GTF3C1: variants seen among roughly 807,000 people sequenced by gnomAD.
GTF3C1 encodes the protein general transcription factor 3C polypeptide 1.
In GTF3C1, 57 loss-of-function variants were observed where a neutral mutation model predicts 226.7. The observed-to-expected ratio is 0.25, with a 90% confidence interval of 0.20 to 0.31. The LOEUF (loss-of-function observed/expected upper bound fraction) is 0.31, where lower values mean the gene tolerates loss of function less well. Ranked by LOEUF, GTF3C1 falls within the 10% of genes least tolerant of loss-of-function variation. The probability of loss-of-function intolerance (pLI) is 1.00; values close to 1 mark genes in which losing one functional copy is unlikely to be tolerated. For synonymous variants in GTF3C1, 1,090 were observed against 1,084.8 expected, an observed-to-expected ratio of 1.00 and a Z score of -0.09; for missense variants, 2,217 against 2,776.1, an observed-to-expected ratio of 0.80 and a Z score of 4.53.
chr16:27,507,247 G>T lies in GTF3C1; in HGVS notation c.1243-91C>A. On this transcript the variant is annotated intron_variant, in intron 8 of 36. Coordinates refer to ENST00000356183, the MANE Select transcript of GTF3C1 (RefSeq NM_001520.4). This position sits in a 1 kb window ranked among gnomAD's most constrained non-coding sequence, Gnocchi z 4.9. ...GTCTGTGGCATCTATTTCCTTATTG[G>T]CTTTCTTCTGTTTCTCCTGTCTTAC... is the stretch of plus-strand genomic sequence containing the variant. 1.0e-6 allele frequency: 1 copy of T among 983,998 alleles called. No homozygotes were observed. Among genetic ancestry groups the T allele is most frequent in the Non-Finnish European group, 1.5e-6 (1 of 660,932 alleles). 61.0% of individuals were successfully genotyped at this position (983,998 alleles called of 1,614,324 possible).
Position 27,537,874 on chromosome 16 carries a change from A to C in GTF3C1, c.662T>G (p.Leu221Arg). The C allele has an allele frequency of 4.3e-6, 7 of 1,613,696 alleles. No individual in the cohort carries two copies. Among genetic ancestry groups the C allele is most frequent in the Non-Finnish European group, 5.9e-6 (7 of 1,179,586 alleles). The change falls in exon 4 of 37, where the codon CTG (leucine) becomes CGG (arginine). Residue 221 changes from leucine (L) to arginine (R), a missense_variant. By Grantham distance (102) the Leu-to-Arg change is moderately radical. Transcript: ENST00000356183. The part of the protein sequence containing the change: ...YHRKILNKNG[L>R]ITMQSHVIRL... The stretch of plus-strand genomic sequence containing the variant: ...GATCACATGGGACTGCATTGTAATC[A>C]GCCCGTTTTTGTTCAAAATTTTTCT...
chr16:27,478,870 CAAG>C (rs1421541821), intron 27 of GTF3C1, among the ~76,000 whole-genome samples: 1 of 141,816 alleles, frequency 7.1e-6, no homozygotes, highest in East Asian at 2.0e-4. Context: ...AAAAAAAGCA[CAAG>C]AAGAAAATGT....
intron 14 of GTF3C1, among the ~76,000 whole-genome samples, chr16:27,497,074 G>A (rs369009442): frequency 1.1e-4 from 16 of 152,170 alleles, no homozygotes; most frequent in African/African-American, 3.9e-4. Flanking sequence ...ACAGACAGCC[G>A]GGCCCCGGTG....
intron 27 of GTF3C1, among the ~76,000 whole-genome samples, chr16:27,478,878 A>T (rs554714505): frequency 6.6e-6 from 1 of 152,080 alleles, no homozygotes; most frequent in African/African-American, 2.4e-5. Flanking sequence ...CACAAGAAGA[A>T]AATGTCCCAC....
chr16:27,469,451 C>A lies in GTF3C1; in HGVS notation c.4914G>T (p.Ala1638=). ...GKRRSMEVKP[A]QASHTNYLLM... ...GCAGGTAGTTGGTGTGGGAGGCTTG[C>A]GCAGGTTTCACCTCCATGCTCCGGC... Residue 1638 remains alanine, a synonymous_variant, in exon 32 of 37, where the codon GCG becomes GCT. Transcript: ENST00000356183. This position sits in a 1 kb window ranked among gnomAD's most constrained non-coding sequence, Gnocchi z 4.5. 2 of 1,614,196 alleles carry A rather than the reference C, an allele frequency of 1.2e-6. No individual in the cohort carries two copies. Among genetic ancestry groups the A allele is most frequent in the Non-Finnish European group, 1.7e-6 (2 of 1,180,038 alleles).
chr16:27,488,528 C>G (rs2088178716), intron 22 of GTF3C1, 26 bp downstream of exon 22: 2 of 1,603,302 alleles, frequency 1.2e-6, no homozygotes, highest in Non-Finnish European at 8.5e-7. Context: ...ATATTAACTT[C>G]TGGGGTGAAC....
At chr16:27,519,632 C>T (rs2088714498) in intron 6 of GTF3C1, among the ~76,000 whole-genome samples, 1 of 152,040 alleles carries the variant, frequency 6.6e-6, no homozygotes, top group South Asian at 2.1e-4. Flanking sequence ...AGCTCTGTGA[C>T]CTTGGGCAAG....
chr16:27,508,534 T>C lies in GTF3C1; in HGVS notation c.1242+6A>G, dbSNP rs750633046. Reference sequence around the variant, plus strand: ...ACGAGTGTTGGGGGAAGGCTCATGATGTTACCTTGACAACTTTGAATCTTT... The same window carrying C: ...ACGAGTGTTGGGGGAAGGCTCATGACGTTACCTTGACAACTTTGAATCTTT... On this transcript the variant is annotated splice_donor_region_variant and intron_variant, in intron 8 of 36. Coordinates refer to ENST00000356183, the MANE Select transcript of GTF3C1 (RefSeq NM_001520.4). The C allele has an allele frequency of 1.2e-6, 2 of 1,601,544 alleles. No individual in the cohort carries two copies. The highest frequency in any genetic ancestry group is 1.1e-5 in the South Asian group (1 of 90,802).
At chr16:27,509,459 A>G (rs2088539178) in intron 7 of GTF3C1, among the ~76,000 whole-genome samples, 1 of 152,212 alleles carries the variant, frequency 6.6e-6, no homozygotes, top group Non-Finnish European at 1.5e-5. Context: ...TTGACTTTTC[A>G]GAAGTATCTT....
chr16:27,485,238 C>A (rs1366057068), intron 24 of GTF3C1, among the ~76,000 whole-genome samples: 2 of 152,234 alleles, frequency 1.3e-5, no homozygotes, highest in Non-Finnish European at 2.9e-5. Flanking sequence ...TCCTGCCTGG[C>A]CTGGCTGAGA....
intron 14 of GTF3C1, among the ~76,000 whole-genome samples, chr16:27,497,146 A>G (rs904432152): frequency 2.6e-5 from 4 of 152,192 alleles, no homozygotes; most frequent in South Asian, 4.1e-4. Flanking sequence ...GGAGCTGAGC[A>G]TCCTGATTAT....
Position 27,469,970 on chromosome 16 carries a change from C to T in GTF3C1, c.4814+138G>A, listed in dbSNP as rs1015910372. The T allele has an allele frequency of 6.4e-5, 47 of 731,320 alleles. 1 individual carries two copies. Among genetic ancestry groups the T allele is most frequent in the Non-Finnish European group, 8.9e-5 (38 of 428,608 alleles). 45.3% of individuals were successfully genotyped at this position (731,320 alleles called of 1,614,324 possible). A position where few individuals can be genotyped will look rare whatever the true frequency, so the allele number is the denominator to read the frequency against. ...CACCAGCAGAGGACACCTTAGACAC[C>T]GGCCTATAATCCCCAGTCACTCATC... On this transcript the variant is annotated intron_variant, in intron 31 of 36. Transcript: ENST00000356183. The surrounding 1 kb of genome is among the most constrained non-coding windows in gnomAD (Gnocchi z 4.5).
intron 27 of GTF3C1, chr16:27,478,744 G>T: frequency 1.7e-6 from 1 of 572,874 alleles, no homozygotes; most frequent in Admixed American, 3.0e-5. Flanking sequence ...AATGTGCAAT[G>T]TTCACTCACC....
At chr16:27,487,419 C>A (rs1460030295) in intron 23 of GTF3C1, among the ~76,000 whole-genome samples, 1 of 152,220 alleles carries the variant, frequency 6.6e-6, no homozygotes, top group East Asian at 1.9e-4. Context: ...CTTTCCACTC[C>A]CTCTGCTATA....
intron 1 of GTF3C1, among the ~76,000 whole-genome samples, chr16:27,545,844 C>T (rs2089154295): frequency 1.3e-5 from 2 of 152,190 alleles, no homozygotes; most frequent in Middle Eastern, 3.4e-3. Context: ...CGAAATGATT[C>T]AAGGCTTTCC....
At position 27,538,226 on chromosome 16, in the gene GTF3C1, TG is replaced by T. The variant is rs748449732; in HGVS notation, c.561del (p.Arg188GlyfsTer29). 1 of 1,600,722 alleles carries T rather than the reference TG, an allele frequency of 6.2e-7. No individual in the cohort carries two copies. Among genetic ancestry groups the T allele is most frequent in the Non-Finnish European group, 8.5e-7 (1 of 1,175,332 alleles). ...TCTCGCTGGAGCTCCCCTTGCCACC[TG>T]GACCGGCCTAGCCGTTCCAGGATGC... is the stretch of plus-strand genomic sequence containing the variant. The part of the protein sequence containing the change: ...SYCILERLGR[S>X]RWQGELQRDL... On this transcript the variant is annotated frameshift_variant, in exon 3 of 37. Transcript: ENST00000356183. LOFTEE classifies it high-confidence loss of function.
intron 6 of GTF3C1, among the ~76,000 whole-genome samples, chr16:27,525,167 G>GAAAT (rs1450998484): frequency 7.0e-6 from 1 of 141,854 alleles, no homozygotes; most frequent in African/African-American, 2.6e-5. Context: ...AGAAAAGAAA[G>GAAAT]AAAAGAAAAG....
At chr16:27,540,896 A>G (rs930330506) in intron 2 of GTF3C1, among the ~76,000 whole-genome samples, 2 of 152,172 alleles carry the variant, frequency 1.3e-5, no homozygotes, top group Middle Eastern at 3.4e-3. Flanking sequence ...GCTGGAGTAC[A>G]GTGACGCGAT....
intron 8 of GTF3C1, 78 bp downstream of exon 8, chr16:27,508,462 G>T: frequency 1.8e-6 from 2 of 1,137,362 alleles, no homozygotes; most frequent in South Asian, 1.3e-5. Flanking sequence ...CGAGTCTTCT[G>T]ACTGAGATGC....
Sources: gnomAD v4.1 joint callset for allele counts (sites outside exome capture counted in the v4.1 genomes callset) on GRCh38, gnomAD v4.1.1 for gene constraint, Gnocchi (gnomAD v3.1) non-coding constraint, MANE v1.5 for transcripts, NCBI Gene and HGNC (gene_info 2026-07-23, HGNC 2026-07-21) for gene names.